PLCB1: variants seen among roughly 807,000 people sequenced by gnomAD.
PLCB1 encodes the protein phospholipase C beta 1.
Under a neutral mutation model 161.8 loss-of-function variants are expected in PLCB1, and 46 were observed. The observed-to-expected ratio is 0.28, with a 90% CI of 0.22 to 0.36. The LOEUF is 0.36. PLCB1 is among the 10% of genes least tolerant of loss of function. The pLI, the probability that PLCB1 is intolerant of heterozygous loss-of-function variation, is 1.00. For synonymous variants in PLCB1, 517 were observed against 503.7 expected (o/e 1.03, Z -0.35); for missense variants, 1,016 against 1,472.5 (o/e 0.69, Z 5.07).
At chr20:8,596,173 G>C (rs1401108715) in intron 3 of PLCB1, among the ~76,000 whole-genome samples, 1 of 150,560 alleles carries the variant, frequency 6.6e-6, no homozygotes, top group Admixed American at 6.6e-5. Context: ...TGAAGTCCTT[G>C]CCCATGCCTA....
At chr20:8,496,920 A>G (rs1464728533) in intron 3 of PLCB1, among the ~76,000 whole-genome samples, 9 of 152,200 alleles carry the variant, frequency 5.9e-5, no homozygotes, top group Non-Finnish European at 1.5e-5. Flanking sequence ...CTCACTTTAC[A>G]GGTGGAGGAA....
intron 2 of PLCB1, among the ~76,000 whole-genome samples, chr20:8,230,072 A>AT: frequency 6.7e-6 from 1 of 148,152 alleles, no homozygotes; most frequent in Non-Finnish European, 1.5e-5. Context: ...AAAAAAAAAA[A>AT]AAAAAAAAAA....
chr20:8,218,392 C>G (rs1600241326), intron 2 of PLCB1, among the ~76,000 whole-genome samples: 1 of 152,014 alleles, frequency 6.6e-6, no homozygotes, highest in Non-Finnish European at 1.5e-5. Flanking sequence ...GCCTCTTTTT[C>G]CCCAACTAGT....
chr20:8,677,593 G>A (rs1421807610), intron 9 of PLCB1, among the ~76,000 whole-genome samples: 1 of 151,878 alleles, frequency 6.6e-6, no homozygotes, highest in Non-Finnish European at 1.5e-5. Context: ...TAAGAAACGG[G>A]GACCAAAAGT....
At chr20:8,349,945 A>G (rs914970696) in intron 2 of PLCB1, among the ~76,000 whole-genome samples, 1 of 152,232 alleles carries the variant, frequency 6.6e-6, no homozygotes, top group African/African-American at 2.4e-5. Flanking sequence ...ATAATTTTCT[A>G]TGGAGGGACA....
intron 2 of PLCB1, among the ~76,000 whole-genome samples, chr20:8,202,114 G>C (rs1259873520): frequency 2.5e-5 from 3 of 119,726 alleles, no homozygotes; most frequent in Non-Finnish European, 5.1e-5. Context: ...GTCTCACTCT[G>C]TCGCCCAGAC....
Position 8,540,036 on chromosome 20 carries a change from A to C in PLCB1, c.247-88258A>C, listed in dbSNP as rs149216796. Among the ~76,000 whole-genome samples, 806 of 152,284 alleles carry C rather than the reference A, an allele frequency of 5.3e-3. 10 individuals are homozygous for C. The highest frequency in any genetic ancestry group is 0.019 in the African/African-American group (784 of 41,560). ...AAGTAATCAATTAATAATTGATATC[A>C]AAATAAATGATTCAGTGTCTTTTCA... On this transcript the variant is annotated intron_variant, in intron 3 of 31. Coordinates refer to ENST00000338037, the MANE Select transcript of PLCB1 (RefSeq NM_015192.4).
Position 8,296,030 on chromosome 20 carries a change from A to G in PLCB1, c.178-75352A>G, listed in dbSNP as rs1983613251. Among the ~76,000 whole-genome samples the G allele has an allele frequency of 2.6e-5, 4 of 152,152 alleles. No individual in the cohort carries two copies. In the South Asian group the frequency reaches 8.3e-4, roughly 31 times the overall value. ...TACTGAACCAATTTTGACTAAGTTT[A>G]TGGGGTGAGTTCGTCTCAACCAAAT... On this transcript the variant is annotated intron_variant, in intron 2 of 31. Coordinates refer to ENST00000338037, the MANE Select transcript of PLCB1 (RefSeq NM_015192.4).
At chr20:8,399,965 C>T (rs1978476473) in intron 3 of PLCB1, among the ~76,000 whole-genome samples, 1 of 152,108 alleles carries the variant, frequency 6.6e-6, no homozygotes, top group South Asian at 2.1e-4. Context: ...AAAAATAACT[C>T]CTGTGCATTA....
intron 2 of PLCB1, among the ~76,000 whole-genome samples, chr20:8,356,941 C>CA (rs1568644677): frequency 6.6e-6 from 1 of 151,818 alleles, no homozygotes; most frequent in African/African-American, 2.4e-5. Context: ...AGTGGATTTT[C>CA]AAAAAAATTT....
At chr20:8,340,977 G>A (rs1304121223) in intron 2 of PLCB1, among the ~76,000 whole-genome samples, 1 of 152,074 alleles carries the variant, frequency 6.6e-6, no homozygotes, top group Non-Finnish European at 1.5e-5. Context: ...GCTATTTTCA[G>A]GCAAGATGCC....
chr20:8,462,305 A>G (rs991673388), intron 3 of PLCB1, among the ~76,000 whole-genome samples: 13 of 152,172 alleles, frequency 8.5e-5, no homozygotes, highest in African/African-American at 2.9e-4. Flanking sequence ...AGTTCTGAAA[A>G]TATTGATAGT....
rs570510173 is a variant in PLCB1 at position 8,308,983 on chromosome 20, T to A, written c.178-62399T>A. Among the ~76,000 whole-genome samples the A allele has an allele frequency of 6.6e-5, 10 of 152,168 alleles. No individual in the cohort carries two copies. In the East Asian group the frequency reaches 9.7e-4, roughly 15 times the overall value. ...CTTAAAATCCATATAGTTTTTTTTT[T>A]AAATGTGGACCTAGAACTGAGTATT... On this transcript the variant is annotated intron_variant, in intron 2 of 31. Transcript: ENST00000338037.
chr20:8,684,229 ATTATTTAT>A (rs111508342), intron 9 of PLCB1, among the ~76,000 whole-genome samples: 1,606 of 145,218 alleles, frequency 0.011, 11 homozygotes, highest in Non-Finnish European at 0.017. Context: ...CCACTTGTAA[ATTATTTAT>A]TTATTTATTT....
At position 8,667,852 on chromosome 20, in the gene PLCB1, G is replaced by A. The variant is rs79572717; in HGVS notation, c.862+9148G>A. On this transcript the variant is annotated intron_variant, in intron 9 of 31. Transcript: ENST00000338037. ...TTCATGGGAGAGCTATTGGGACAGA[G>A]CAGAGAATGGCTTCTTTCCCCCTAG... Among the ~76,000 whole-genome samples, 79 of 152,258 alleles carry A rather than the reference G, an allele frequency of 5.2e-4. 3 individuals are homozygous for A. In the East Asian group the frequency reaches 0.015, roughly 28 times the overall value.
chr20:8,473,641 T>G (rs1982150274), intron 3 of PLCB1, among the ~76,000 whole-genome samples: 1 of 152,202 alleles, frequency 6.6e-6, no homozygotes, highest in Non-Finnish European at 1.5e-5. Flanking sequence ...TGCAATAATG[T>G]GAAGTAAATA....
chr20:8,610,646 C>G (rs1247617796), intron 3 of PLCB1, among the ~76,000 whole-genome samples: 1 of 152,142 alleles, frequency 6.6e-6, no homozygotes, highest in African/African-American at 2.4e-5. Context: ...AATATTTTCT[C>G]CCATTCTCTT....
chr20:8,527,815 A>C (rs1415882805), intron 3 of PLCB1, among the ~76,000 whole-genome samples: 2 of 152,122 alleles, frequency 1.3e-5, no homozygotes, highest in Admixed American at 6.6e-5. Context: ...CAATTTTTTT[A>C]ATTAATTGAA....
intron 31 of PLCB1, among the ~76,000 whole-genome samples, chr20:8,844,628 C>T (rs1043970747): frequency 6.6e-6 from 1 of 152,100 alleles, no homozygotes; most frequent in African/African-American, 2.4e-5. Context: ...CTTCTTTCCT[C>T]AGGTCTCAAG....
Sources: gnomAD v4.1 joint callset for allele counts (sites outside exome capture counted in the v4.1 genomes callset) on GRCh38, gnomAD v4.1.1 for gene constraint, MANE v1.5 for transcripts, NCBI Gene and HGNC (gene_info 2026-07-23, HGNC 2026-07-21) for gene names.